Variants in AKAP12 observed in about 807,000 individuals in gnomAD.
AKAP12 encodes A-kinase anchor protein 12.
AKAP12 carries 32 observed loss-of-function variants against 79.9 expected under a neutral mutation model. The observed-to-expected ratio is 0.40, with a 90% CI of 0.30 to 0.54. The LOEUF is 0.54. Ranked by LOEUF, AKAP12 falls within the 20% of genes least tolerant of loss-of-function variation. The pLI is 0.48. For synonymous variants in AKAP12, 808 were observed against 857.0 expected (o/e 0.94, Z 1.00); for missense variants, 2,074 against 2,177.0 (o/e 0.95, Z 0.94).
Position 151,345,393 on chromosome 6 carries a change from T to G in AKAP12, c.320-3318T>G, listed in dbSNP as rs923266368. Among the ~76,000 whole-genome samples the G allele has an allele frequency of 4.6e-5, 7 of 152,106 alleles. No individual in the cohort carries two copies. In the East Asian group the frequency reaches 1.4e-3, roughly 29 times the overall value. On this transcript the variant is annotated intron_variant, in intron 3 of 4. Transcript: ENST00000402676. Reference sequence around the variant, plus strand: ...CCTGGCTAGTTATAATTATTAACCTTCAATTTGTGCTTAAAACATTAAGTA... The same window carrying G: ...CCTGGCTAGTTATAATTATTAACCTGCAATTTGTGCTTAAAACATTAAGTA...
rs1226285822 is a variant in AKAP12 at position 151,240,074 on chromosome 6, A to C, written c.-180+15A>C. 1 of 153,084 alleles carries C rather than the reference A, an allele frequency of 6.5e-6. No homozygotes were observed. The highest frequency in any genetic ancestry group is 1.5e-5 in the Non-Finnish European group (1 of 68,710). The allele number at this position is 153,084 out of a possible 1,614,324, so 9.5% of individuals were successfully genotyped here. On this transcript the variant is annotated intron_variant, in intron 1 of 4. Transcript: ENST00000402676. The stretch of plus-strand genomic sequence containing the variant: ...TCCTGCCTTGGGTGATCCATCATTT[A>C]ATAAACCCCAGAGAATCCAGTGTCC...
chr6:151,341,757 C>A (rs1239447393), intron 3 of AKAP12: 4 of 1,285,584 alleles, frequency 3.1e-6, no homozygotes, highest in Non-Finnish European at 3.0e-6. Flanking sequence ...CGAGGGCCAC[C>A]AACTGTCCCT....
intron 2 of AKAP12, among the ~76,000 whole-genome samples, chr6:151,241,187 C>T (rs1258892949): frequency 6.6e-6 from 1 of 152,340 alleles, no homozygotes; most frequent in African/African-American, 2.4e-5. Flanking sequence ...GCCCAGCCAC[C>T]CTCGGGTTCC....
At chr6:151,272,344 CAA>C (rs369696858) in intron 2 of AKAP12, among the ~76,000 whole-genome samples, 9 of 95,262 alleles carry the variant, frequency 9.4e-5, no homozygotes, top group Non-Finnish European at 1.0e-4. Flanking sequence ...GACCCTGTTT[CAA>C]AAAAAAAAAA....
intron 2 of AKAP12, among the ~76,000 whole-genome samples, chr6:151,260,791 C>G (rs115707864): frequency 6.6e-6 from 1 of 151,974 alleles, no homozygotes; most frequent in Non-Finnish European, 1.5e-5. Context: ...GTCAGGAGTT[C>G]GAGACCAACC....
Position 151,306,029 on chromosome 6 carries a change from T to C in AKAP12, c.319+126T>C, listed in dbSNP as rs1183267714. On this transcript the variant is annotated intron_variant, in intron 3 of 4. Transcript: ENST00000402676. ...TTAACAGCAAAAACAATCAATTGGTTACAAAAGGAAGTATTTATCTGACCA... is the reference window on the plus strand; with the variant it reads ...TTAACAGCAAAAACAATCAATTGGTCACAAAAGGAAGTATTTATCTGACCA... 4.8e-6 allele frequency: 5 copies of C among 1,035,208 alleles called. No individual in the cohort carries two copies. In the African/African-American group the frequency reaches 8.1e-5, roughly 17 times the overall value. The allele number at this position is 1,035,208 out of a possible 1,614,324, so 64.1% of individuals were successfully genotyped here.
chr6:151,294,292 A>G (rs946273377), intron 2 of AKAP12, among the ~76,000 whole-genome samples: 4 of 152,128 alleles, frequency 2.6e-5, no homozygotes, highest in East Asian at 3.9e-4. Context: ...TCCTGATTCT[A>G]TGAGGCTGTG....
At chr6:151,241,832 A>AG (rs2114671205) in intron 2 of AKAP12, among the ~76,000 whole-genome samples, 1 of 151,454 alleles carries the variant, frequency 6.6e-6, no homozygotes, top group East Asian at 1.9e-4. Context: ...TATGCAAAAA[A>AG]AAAAAAAAAA....
chr6:151,293,792 C>T (rs769053117), intron 2 of AKAP12, among the ~76,000 whole-genome samples: 17 of 152,206 alleles, frequency 1.1e-4, no homozygotes, highest in Non-Finnish European at 1.9e-4. Flanking sequence ...TTGGAATTGC[C>T]GGATTACATA....
chr6:151,284,007 T>A (rs1246343708), intron 2 of AKAP12, among the ~76,000 whole-genome samples: 1 of 152,212 alleles, frequency 6.6e-6, no homozygotes, highest in Admixed American at 6.5e-5. Context: ...TGGGGGTTTT[T>A]AGGGTTTGTC....
At chr6:151,293,732 A>T (rs1562724817) in intron 2 of AKAP12, among the ~76,000 whole-genome samples, 1 of 152,166 alleles carries the variant, frequency 6.6e-6, no homozygotes, top group Non-Finnish European at 1.5e-5. Context: ...TTAAGGAGAG[A>T]GTAAGTAACA....
At chr6:151,298,147 A>G (rs10155709) in intron 2 of AKAP12, among the ~76,000 whole-genome samples, 13,859 of 152,192 alleles carry the variant, frequency 0.091, 903 homozygotes, top group African/African-American at 0.17. Context: ...TGCTTTCTAT[A>G]GTTTAAAAAA....
chr6:151,248,584 G>A (rs749736131), intron 2 of AKAP12, among the ~76,000 whole-genome samples: 9 of 152,134 alleles, frequency 5.9e-5, no homozygotes, highest in Non-Finnish European at 1.0e-4. Context: ...GTGGGTGAGA[G>A]GGACGGTTTC....
intron 3 of AKAP12, among the ~76,000 whole-genome samples, chr6:151,321,015 C>T (rs1777369584): frequency 6.6e-6 from 1 of 150,626 alleles, no homozygotes; most frequent in Non-Finnish European, 1.5e-5. Context: ...GAGAGGGAGT[C>T]TTGCTCTGTT....
rs777847217 is a variant in AKAP12, at chr6:151,357,236, T to G, written c.*1522T>G. 1 of 154,832 alleles carries G rather than the reference T, an allele frequency of 6.5e-6. No homozygotes were observed. Among genetic ancestry groups the G allele is most frequent in the Non-Finnish European group, 1.4e-5 (1 of 70,138 alleles). The allele number at this position is 154,832 out of a possible 1,614,324, so 9.6% of individuals were successfully genotyped here. A position where few individuals can be genotyped will look rare whatever the true frequency, so the allele number is the denominator to read the frequency against. On this transcript the variant is annotated 3_prime_UTR_variant, in exon 5 of 5. Coordinates refer to ENST00000402676, the MANE Select transcript of AKAP12 (RefSeq NM_005100.4). ...AGAGTTTCGCTCTTGTTGCCCAGGC[T>G]GGAGTGCAATGGCACGATCTCAGCT...
At chr6:151,296,254 C>T (rs1776722128) in intron 2 of AKAP12, among the ~76,000 whole-genome samples, 1 of 152,094 alleles carries the variant, frequency 6.6e-6, no homozygotes, top group African/African-American at 2.4e-5. Context: ...CGGGATGCAT[C>T]CTCTTCTCAA....
rs191405638 is a variant in AKAP12 at position 151,342,610 on chromosome 6, G to A, written c.320-6101G>A. 1.2e-3 allele frequency among the ~76,000 whole-genome samples: 187 copies of A among 152,266 alleles called. 1 individual carries two copies. Among genetic ancestry groups the A allele is most frequent in the Non-Finnish European group, 4.4e-4 (30 of 68,012 alleles). ...ATTGTTCTGACAATTGTAGCTCTTAGGATTACTTATGTTAAAAGAGACTGC... is the reference window on the plus strand; with the variant it reads ...ATTGTTCTGACAATTGTAGCTCTTAAGATTACTTATGTTAAAAGAGACTGC... On this transcript the variant is annotated intron_variant, in intron 3 of 4. Coordinates refer to ENST00000402676, the MANE Select transcript of AKAP12 (RefSeq NM_005100.4).
At chr6:151,345,893 ATATGTG>A (rs1441665986) in intron 3 of AKAP12, among the ~76,000 whole-genome samples, 5 of 82,348 alleles carry the variant, frequency 6.1e-5, no homozygotes, top group African/African-American at 2.1e-4. Context: ...ATGTGTGTGT[ATATGTG>A]TGTGTGTGTG....
intron 4 of AKAP12, 106 bp downstream of exon 4, chr6:151,353,858 C>G: frequency 2.8e-6 from 2 of 720,498 alleles, no homozygotes; most frequent in Middle Eastern, 3.6e-4. Context: ...TCGTGTAGAA[C>G]CTTCAGTTGA....
Sources: allele counts gnomAD v4.1 joint callset (sites outside exome capture counted in the v4.1 genomes callset), GRCh38; gene constraint gnomAD v4.1.1; transcripts MANE v1.5; gene names NCBI Gene and HGNC (gene_info 2026-07-23, HGNC 2026-07-21).